Variants in SPMAP2L observed in about 807,000 individuals in gnomAD.
SPMAP2L encodes the protein sperm microtubule associated protein 2 like.
At chr4:56,580,643 T>TA in the SPMAP2L span, among the ~76,000 whole-genome samples, 6 of 147,810 alleles carry the variant, frequency 4.1e-5, no homozygotes, top group African/African-American at 1.3e-4. Flanking sequence ...TGAAAAAAAA[T>TA]AAAAAATAAA....
At chr4:56,558,622 G>GTA in the SPMAP2L span, among the ~76,000 whole-genome samples, 1 of 151,972 alleles carries the variant, frequency 6.6e-6, no homozygotes, top group Non-Finnish European at 1.5e-5. Flanking sequence ...TGCAAACCCA[G>GTA]TATATATATA....
chr4:56,554,130 T>G, the SPMAP2L span, among the ~76,000 whole-genome samples: 423 of 152,332 alleles, frequency 2.8e-3, 2 homozygotes, highest in African/African-American at 9.6e-3. Context: ...CTTCCAATAT[T>G]TGTCAATTAT....
the SPMAP2L span, among the ~76,000 whole-genome samples, chr4:56,600,609 C>A: frequency 6.6e-6 from 1 of 152,138 alleles, no homozygotes. Flanking sequence ...GGTTTAAAGC[C>A]TGGTAGCGAT....
the SPMAP2L span, among the ~76,000 whole-genome samples, chr4:56,590,280 A>T: frequency 6.6e-6 from 1 of 151,878 alleles, no homozygotes; most frequent in Non-Finnish European, 1.5e-5. Context: ...TTTTGTTTTT[A>T]ATTCTGTTTA....
the SPMAP2L span, among the ~76,000 whole-genome samples, chr4:56,577,389 C>T: frequency 3.9e-5 from 6 of 152,064 alleles, no homozygotes; most frequent in Admixed American, 3.3e-4. Context: ...ACCATTCACA[C>T]CAGCCAAAAA....
chr4:56,571,497 G>A, the SPMAP2L span, among the ~76,000 whole-genome samples: 2 of 151,394 alleles, frequency 1.3e-5, no homozygotes, highest in Non-Finnish European at 2.9e-5. Context: ...GGATTTTTTT[G>A]GTAGAAACAG....
the SPMAP2L span, among the ~76,000 whole-genome samples, chr4:56,579,094 C>T: frequency 6.6e-6 from 1 of 151,896 alleles, no homozygotes. Flanking sequence ...GCTTGAATAA[C>T]ACTAGAAACC....
chr4:56,581,963 A>G, the SPMAP2L span, among the ~76,000 whole-genome samples: 1 of 152,198 alleles, frequency 6.6e-6, no homozygotes, highest in East Asian at 1.9e-4. Flanking sequence ...ATAACTGGCT[A>G]TTTGCATGCA....
the SPMAP2L span, among the ~76,000 whole-genome samples, chr4:56,550,515 T>G: frequency 6.6e-6 from 1 of 152,076 alleles, no homozygotes; most frequent in African/African-American, 2.4e-5. Flanking sequence ...GTAGAGCGGG[T>G]AGAATTAACA....
the SPMAP2L span, among the ~76,000 whole-genome samples, chr4:56,605,897 G>A: frequency 6.6e-6 from 1 of 152,100 alleles, no homozygotes; most frequent in Non-Finnish European, 1.5e-5. Context: ...ACCTGGTACC[G>A]TTGCTCTTCT....
At chr4:56,584,590 A>T in the SPMAP2L span, 1 of 1,535,196 alleles carries the variant, frequency 6.5e-7, no homozygotes, top group Non-Finnish European at 8.7e-7. Context: ...GCACAGACCC[A>T]AACTATCATC....
chr4:56,562,365 A>G, the SPMAP2L span, among the ~76,000 whole-genome samples: 2 of 152,090 alleles, frequency 1.3e-5, no homozygotes, highest in African/African-American at 2.4e-5. Context: ...TAAAAAAAAA[A>G]AGCAAAAGGA....
chr4:56,592,936 G>A, the SPMAP2L span: 4 of 1,605,360 alleles, frequency 2.5e-6, no homozygotes, highest in South Asian at 3.3e-5. Flanking sequence ...TGATCGAGAA[G>A]ACGGTCCCTG....
the SPMAP2L span, chr4:56,530,637 G>C: frequency 2.0e-5 from 30 of 1,517,828 alleles, no homozygotes; most frequent in Non-Finnish European, 2.6e-5. Context: ...CAACCAGTCG[G>C]GAGGGTGAGT....
chr4:56,623,371 A>T, the SPMAP2L span, among the ~76,000 whole-genome samples: 5 of 152,198 alleles, frequency 3.3e-5, no homozygotes, highest in Non-Finnish European at 7.3e-5. Flanking sequence ...AGCTTTTGGA[A>T]CAAGGAGCAA....
At chr4:56,575,457 GA>G in the SPMAP2L span, 1 of 1,527,886 alleles carries the variant, frequency 6.5e-7, no homozygotes, top group Non-Finnish European at 8.8e-7. Context: ...ATGACAATTT[GA>G]AATCATGCTT....
the SPMAP2L span, among the ~76,000 whole-genome samples, chr4:56,618,192 A>C: frequency 6.6e-6 from 1 of 152,064 alleles, no homozygotes; most frequent in South Asian, 2.1e-4. Context: ...TTCCACTTTC[A>C]TATCATTTAA....
chr4:56,578,793 A>G, the SPMAP2L span, among the ~76,000 whole-genome samples: 1 of 130,962 alleles, frequency 7.6e-6, no homozygotes, highest in African/African-American at 3.9e-5. Context: ...CATTAAAAAG[A>G]CATACAATTA....
chr4:56,609,911 T>C, the SPMAP2L span, among the ~76,000 whole-genome samples: 19 of 152,330 alleles, frequency 1.2e-4, no homozygotes, highest in African/African-American at 4.1e-4. Flanking sequence ...CAGTTCATTG[T>C]ATTTTGTTAG....
Sources: allele counts gnomAD v4.1 joint callset (sites outside exome capture counted in the v4.1 genomes callset), GRCh38; gene constraint gnomAD v4.1.1; transcripts MANE v1.5; gene names NCBI Gene and HGNC (gene_info 2026-07-23, HGNC 2026-07-21).